The following ACOX1 variants were observed in gnomAD, a reference collection of about 807,000 sequenced individuals.
ACOX1 encodes the protein peroxisomal acyl-coenzyme A oxidase 1.
Under a neutral mutation model 75.5 loss-of-function variants are expected in ACOX1, and 41 were observed. That is an observed-to-expected ratio of 0.54 (90% CI 0.42 to 0.70). The LOEUF is 0.70. ACOX1 is among the 30% of genes least tolerant of loss of function. The probability of loss-of-function intolerance (pLI) is 0.00; values close to 1 mark genes in which losing one functional copy is unlikely to be tolerated. For missense variants in ACOX1, 630 were observed against 837.5 expected (o/e 0.75, Z 3.06); for synonymous variants, 303 against 298.8 (o/e 1.01, Z -0.15).
chr17:75,977,616 A>C (rs2066065622), intron 2 of ACOX1, among the ~76,000 whole-genome samples: 1 of 152,170 alleles, frequency 6.6e-6, no homozygotes, highest in Non-Finnish European at 1.5e-5. Context: ...GGTCTGAAAA[A>C]AGGATATACT....
chr17:75,972,867 T>A (rs908680946), intron 2 of ACOX1, among the ~76,000 whole-genome samples: 5 of 152,120 alleles, frequency 3.3e-5, no homozygotes, highest in Non-Finnish European at 7.4e-5. Flanking sequence ...AAACACAAAA[T>A]GATGTTTCCC....
intron 2 of ACOX1, among the ~76,000 whole-genome samples, chr17:75,966,521 T>G (rs1190364784): frequency 6.8e-6 from 1 of 147,122 alleles, no homozygotes; most frequent in Non-Finnish European, 1.5e-5. Context: ...TAAAAAGTCT[T>G]GGCTGGGCAC....
chr17:75,951,262 A>T (rs1488879602), intron 8 of ACOX1, among the ~76,000 whole-genome samples, 153 bp downstream of exon 8: 1 of 152,164 alleles, frequency 6.6e-6, no homozygotes, highest in Non-Finnish European at 1.5e-5. Flanking sequence ...AACCCCACAG[A>T]TCTTCATATC....
Position 75,950,638 on chromosome 17 carries a change from G to C in ACOX1, c.1298+136C>G. On this transcript the variant is annotated intron_variant, in intron 9 of 13. Coordinates refer to ENST00000293217, the MANE Select transcript of ACOX1 (RefSeq NM_004035.7). The surrounding 1 kb of genome is among the most constrained non-coding windows in gnomAD (Gnocchi z 4.3). Reference sequence around the variant, plus strand: ...ACCACGAAATAAAAACCGTGAGTCAGGATGGAAGGCAAAAGTATACCTTTC... The same window carrying C: ...ACCACGAAATAAAAACCGTGAGTCACGATGGAAGGCAAAAGTATACCTTTC... 2.1e-6 allele frequency: 2 copies of C among 937,666 alleles called. No individual in the cohort carries two copies. Among genetic ancestry groups the C allele is most frequent in the Non-Finnish European group, 3.3e-6 (2 of 609,880 alleles). The allele number at this position is 937,666 out of a possible 1,614,324, so 58.1% of individuals were successfully genotyped here. A position where few individuals can be genotyped will look rare whatever the true frequency, so the allele number is the denominator to read the frequency against.
chr17:75,958,613 C>A (rs969304849), intron 3 of ACOX1, among the ~76,000 whole-genome samples: 2 of 151,704 alleles, frequency 1.3e-5, no homozygotes, highest in African/African-American at 4.8e-5. Flanking sequence ...TCGAGACCAT[C>A]CTGGTTAACA....
rs1202992417 is a variant in ACOX1 at position 75,978,342 on chromosome 17, C to G, written c.269+192G>C. 1.7e-6 allele frequency: 1 copy of G among 602,914 alleles called. No individual in the cohort carries two copies. The highest frequency in any genetic ancestry group is 1.8e-5 in the African/African-American group (1 of 54,230). The allele number at this position is 602,914 out of a possible 1,614,324, so 37.3% of individuals were successfully genotyped here. A position where few individuals can be genotyped will look rare whatever the true frequency, so the allele number is the denominator to read the frequency against. On this transcript the variant is annotated intron_variant, in intron 2 of 13. Transcript: ENST00000293217. The surrounding 1 kb of genome is among the most constrained non-coding windows in gnomAD (Gnocchi z 4.2). ...TCTCCTGACTTGGTGATCCGCCCGC[C>G]TCGGCCTCCCAAAGTGCTGGGATTA...
At chr17:75,956,429 G>A (rs954319225) in intron 4 of ACOX1, among the ~76,000 whole-genome samples, 3 of 152,146 alleles carry the variant, frequency 2.0e-5, no homozygotes, top group East Asian at 1.9e-4. Context: ...GGTGGCTCGC[G>A]CCTGTAATTC....
chr17:75,964,893 A>T (rs2065916459), intron 2 of ACOX1, among the ~76,000 whole-genome samples: 3 of 152,188 alleles, frequency 2.0e-5, no homozygotes, highest in African/African-American at 7.2e-5. Context: ...ATCAATACTG[A>T]GGAAAAACCA....
In ACOX1 at chr17:75,949,429, T is replaced by C; in HGVS notation, c.1584+66A>G. The C allele has an allele frequency of 1.9e-6, 3 of 1,611,950 alleles. No homozygotes were observed. The South Asian group carries it at 3.3e-5, about 18-fold the overall frequency. On this transcript the variant is annotated intron_variant, in intron 11 of 13. Coordinates refer to ENST00000293217, the MANE Select transcript of ACOX1 (RefSeq NM_004035.7). ...AAGATTCAATATACAGTGACTAGGG[T>C]TTCTGTACCAGAAAATGCGGGATGC...
At chr17:75,953,723 T>C in intron 6 of ACOX1, 103 bp from the exon 7 acceptor site, 1 of 1,366,506 alleles carries the variant, frequency 7.3e-7, no homozygotes, top group Non-Finnish European at 1.0e-6. Context: ...CAGCATCACC[T>C]GGCAACTTGC....
Position 75,960,166 on chromosome 17 carries a change from A to G in ACOX1, c.430+49T>C, listed in dbSNP as rs922345369. 20 of 1,611,556 alleles carry G rather than the reference A, an allele frequency of 1.2e-5. No homozygotes were observed. Among genetic ancestry groups the G allele is most frequent in the Non-Finnish European group, 1.7e-5 (20 of 1,178,670 alleles). On this transcript the variant is annotated intron_variant, in intron 3 of 13. Coordinates refer to ENST00000293217, the MANE Select transcript of ACOX1 (RefSeq NM_004035.7). This position sits in a 1 kb window ranked among gnomAD's most constrained non-coding sequence, Gnocchi z 4.4. Reference sequence around the variant, plus strand: ...CATGGTGGGCACTCCACACATGGTAAGCTCACAGGGGCCCGCCCAACCCAG... The same window carrying G: ...CATGGTGGGCACTCCACACATGGTAGGCTCACAGGGGCCCGCCCAACCCAG...
intron 4 of ACOX1, among the ~76,000 whole-genome samples, chr17:75,956,967 CTCTCTATATA>C (rs2065836252): frequency 3.6e-4 from 4 of 11,056 alleles, no homozygotes; most frequent in African/African-American, 5.4e-4. Context: ...CTCTCTCTCT[CTCTCTATATA>C]TATATATATA....
Position 75,963,889 on chromosome 17 carries a change from A to T in ACOX1, c.270-3514T>A, listed in dbSNP as rs549979992. 9.0e-3 allele frequency among the ~76,000 whole-genome samples: 1,083 copies of T among 119,874 alleles called. 7 individuals are homozygous for T. The highest frequency in any genetic ancestry group is 0.013 in the Non-Finnish European group (765 of 57,290). The allele number at this position is 119,874 out of a possible 152,430, so 78.6% of individuals were successfully genotyped here. A position where few individuals can be genotyped will look rare whatever the true frequency, so the allele number is the denominator to read the frequency against. Reference sequence around the variant, plus strand: ...ATGACTCTACAATCATTTCAAAATTAAAAAAAAAAAAAGGCCAGGCACGGT... The same window carrying T: ...ATGACTCTACAATCATTTCAAAATTTAAAAAAAAAAAAGGCCAGGCACGGT... On this transcript the variant is annotated intron_variant, in intron 2 of 13. Coordinates refer to ENST00000293217, the MANE Select transcript of ACOX1 (RefSeq NM_004035.7).
chr17:75,960,424 G>A lies in ACOX1; in HGVS notation c.270-49C>T, dbSNP rs368406662. ...GCATTTGAGAGAAGAGTCATCAGGT[G>A]TGAGAGAATCAGCAATTTAAATAGA... On this transcript the variant is annotated intron_variant, in intron 2 of 13. Transcript: ENST00000293217. The surrounding 1 kb of genome is among the most constrained non-coding windows in gnomAD (Gnocchi z 4.4). The A allele has an allele frequency of 1.8e-5, 28 of 1,592,996 alleles. No homozygotes were observed. The African/African-American group carries it at 3.3e-4, about 19-fold the overall frequency.
At chr17:75,952,792 C>T (rs1293534107) in intron 7 of ACOX1, among the ~76,000 whole-genome samples, 1 of 147,592 alleles carries the variant, frequency 6.8e-6, no homozygotes, top group Non-Finnish European at 1.5e-5. Context: ...GATCGCGCCA[C>T]TGCACTCCAG....
chr17:75,948,519 T>C (rs1467815330), intron 12 of ACOX1, 62 bp from the exon 13 acceptor site: 14 of 1,354,102 alleles, frequency 1.0e-5, no homozygotes, highest in South Asian at 3.6e-5. Flanking sequence ...CATAATTATA[T>C]GCATATACAG....
Position 75,960,078 on chromosome 17 carries a change from C to G in ACOX1, c.430+137G>C. On this transcript the variant is annotated intron_variant, in intron 3 of 13. Coordinates refer to ENST00000293217, the MANE Select transcript of ACOX1 (RefSeq NM_004035.7). The surrounding 1 kb of genome is among the most constrained non-coding windows in gnomAD (Gnocchi z 4.4). ...ACCAAAGCAGTGTTTATACCAAAAC[C>G]TGGACTCTGCAGAAAGAGCTCATTT... 1.9e-6 allele frequency: 2 copies of G among 1,060,398 alleles called. No individual in the cohort carries two copies. Among genetic ancestry groups the G allele is most frequent in the Non-Finnish European group, 1.4e-6 (1 of 722,900 alleles). The allele number at this position is 1,060,398 out of a possible 1,614,324, so 65.7% of individuals were successfully genotyped here.
At chr17:75,949,112 G>A in intron 12 of ACOX1, 105 bp downstream of exon 12, 1 of 1,345,126 alleles carries the variant, frequency 7.4e-7, no homozygotes, top group Non-Finnish European at 1.1e-6. Flanking sequence ...TACCCGCCTT[G>A]GGCTCCCAAA....
rs773023553 is a variant in ACOX1, at chr17:75,948,451, T to C, written c.1735A>G (p.Ile579Val). 2.5e-6 allele frequency: 4 copies of C among 1,614,172 alleles called. No individual in the cohort carries two copies. In the South Asian group the frequency reaches 4.4e-5, roughly 18 times the overall value. The part of the protein sequence containing the change: ...QNAGDFLQGS[I>V]MTEPQITQVN... The stretch of plus-strand genomic sequence containing the variant: ...TGTGTAATCTGAGGCTCTGTCATGA[T>C]GCTCCCCTAAAAGAGACCAAAATAA... The change falls in exon 13 of 14, where the codon ATC (isoleucine) becomes GTC (valine). Residue 579 changes from isoleucine (I) to valine (V), a missense_variant. By Grantham distance (29) the Ile-to-Val change is conservative (BLOSUM62 3). Coordinates refer to ENST00000293217, the MANE Select transcript of ACOX1 (RefSeq NM_004035.7).
Sources: allele counts gnomAD v4.1 joint callset (sites outside exome capture counted in the v4.1 genomes callset), GRCh38; gene constraint gnomAD v4.1.1; non-coding constraint Gnocchi (gnomAD v3.1); transcripts MANE v1.5; gene names NCBI Gene and HGNC (gene_info 2026-07-23, HGNC 2026-07-21).